EHMT1: variants seen among roughly 807,000 people sequenced by gnomAD.
EHMT1 encodes euchromatic histone lysine methyltransferase 1.
In EHMT1, 15 loss-of-function variants were observed where a neutral mutation model predicts 147.2. The ratio of observed to expected loss-of-function variants is 0.10; its 90% CI spans 0.07 to 0.16. The LOEUF (loss-of-function observed/expected upper bound fraction) is 0.16, where lower values mean the gene tolerates loss of function less well. EHMT1 is among the 10% of genes least tolerant of loss of function. EHMT1 has a pLI of 1.00. For missense variants in EHMT1, 1,587 were observed against 1,772.4 expected (o/e 0.90, Z 1.88); for synonymous variants, 795 against 709.6 (o/e 1.12, Z -1.91).
chr9:137,801,978 C>T (rs370139432), intron 18 of EHMT1, among the ~76,000 whole-genome samples: 16 of 152,324 alleles, frequency 1.1e-4, no homozygotes, highest in East Asian at 7.7e-4. Context: ...TATCATACCA[C>T]GGTTTTCTAG....
rs867638050 is a variant in EHMT1 at position 137,834,832 on chromosome 9, G to A, written c.3776G>A (p.Gly1259Asp). 1.2e-6 allele frequency: 2 copies of A among 1,612,644 alleles called. No homozygotes were observed. Among genetic ancestry groups the A allele is most frequent in the Non-Finnish European group, 8.5e-7 (1 of 1,179,656 alleles). Residue 1259 changes from glycine (G) to aspartate (D), a missense_variant, in exon 27 of 27, where the codon GGC (glycine) becomes GAC (aspartate). Coordinates refer to ENST00000460843, the MANE Select transcript of EHMT1 (RefSeq NM_024757.5). ...IKGKLFSCRC[G>D]SPKCRHSSAA... ...GGCAAGCTCTTCAGCTGCCGCTGCG[G>A]CTCCCCCAAGTGCCGGCACTCGAGC...
intron 16 of EHMT1, among the ~76,000 whole-genome samples, chr9:137,798,096 T>A (rs1953113875): frequency 6.6e-6 from 1 of 152,248 alleles, no homozygotes. Flanking sequence ...GTTCCCAATC[T>A]GGGCATGGTG....
chr9:137,779,242 C>CA (rs1459724607), intron 13 of EHMT1, among the ~76,000 whole-genome samples: 1 of 152,278 alleles, frequency 6.6e-6, no homozygotes, highest in Admixed American at 6.5e-5. Flanking sequence ...GCTGTGCCCT[C>CA]ACTCGTGACC....
rs963980605 is a variant in EHMT1, at chr9:137,692,756, G to A, written c.22-18211G>A. On this transcript the variant is annotated intron_variant, in intron 1 of 26. Transcript: ENST00000460843. ...GGACGGCAGTGAACAATGCTCAGGC[G>A]CCTGCTCCAGCCCTGGTGAAGCCAT... Among the ~76,000 whole-genome samples the A allele has an allele frequency of 1.2e-4, 19 of 152,150 alleles. 1 individual carries two copies. Among genetic ancestry groups the A allele is most frequent in the East Asian group, 5.8e-4 (3 of 5,198 alleles).
At chr9:137,682,893 C>T (rs534589949) in intron 1 of EHMT1, among the ~76,000 whole-genome samples, 8 of 152,334 alleles carry the variant, frequency 5.3e-5, no homozygotes, top group Non-Finnish European at 1.0e-4. Context: ...CGAACAGGTG[C>T]GCTGCCTGCA....
At chr9:137,832,238 C>G (rs1378018445) in intron 25 of EHMT1, among the ~76,000 whole-genome samples, 1 of 150,896 alleles carries the variant, frequency 6.6e-6, no homozygotes. Flanking sequence ...TCATTCCAGT[C>G]CTAGGATTGG....
intron 1 of EHMT1, among the ~76,000 whole-genome samples, chr9:137,657,289 C>T (rs1938562320): frequency 6.6e-6 from 1 of 152,100 alleles, no homozygotes; most frequent in Non-Finnish European, 1.5e-5. Flanking sequence ...CCTAGAGGGA[C>T]CACTGGGAGA....
chr9:137,755,697 A>G (rs551056262), intron 8 of EHMT1, among the ~76,000 whole-genome samples: 1 of 152,226 alleles, frequency 6.6e-6, no homozygotes, highest in Non-Finnish European at 1.5e-5. Flanking sequence ...ACACACAAGC[A>G]TTCCAGTTCC....
intron 6 of EHMT1, among the ~76,000 whole-genome samples, chr9:137,750,269 A>G (rs1377323554): frequency 6.6e-6 from 1 of 152,248 alleles, no homozygotes; most frequent in Non-Finnish European, 1.5e-5. Flanking sequence ...TTCTCTAGAA[A>G]ATTTCAAGCT....
intron 1 of EHMT1, among the ~76,000 whole-genome samples, 153 bp from the exon 2 acceptor site, chr9:137,710,814 C>T (rs766685093): frequency 9.9e-5 from 15 of 152,228 alleles, no homozygotes; most frequent in African/African-American, 1.4e-4. Flanking sequence ...CTGCTGGAGG[C>T]GACTGTAACC....
At chr9:137,705,824 A>G (rs1288592967) in intron 1 of EHMT1, among the ~76,000 whole-genome samples, 1 of 152,138 alleles carries the variant, frequency 6.6e-6, no homozygotes, top group East Asian at 1.9e-4. Context: ...TGGGGCTGTG[A>G]GGTCTGGACC....
chr9:137,658,115 C>T (rs1257005601), intron 1 of EHMT1, among the ~76,000 whole-genome samples: 1 of 152,302 alleles, frequency 6.6e-6, no homozygotes, highest in East Asian at 1.9e-4. Flanking sequence ...CTGCTTCTTT[C>T]GTTCTCCTTC....
chr9:137,733,661 G>C (rs1353351678), intron 4 of EHMT1, among the ~76,000 whole-genome samples: 1 of 152,158 alleles, frequency 6.6e-6, no homozygotes, highest in Non-Finnish European at 1.5e-5. Flanking sequence ...TTGTCCCCAG[G>C]TGCATACAGA....
intron 25 of EHMT1, among the ~76,000 whole-genome samples, chr9:137,826,581 T>TA (rs1472567576): frequency 2.6e-5 from 4 of 152,196 alleles, no homozygotes; most frequent in Non-Finnish European, 4.4e-5. Context: ...TCAAGGCACC[T>TA]ACTGGTTTGG....
At chr9:137,713,067 G>A (rs994857754) in intron 2 of EHMT1, among the ~76,000 whole-genome samples, 1 of 151,936 alleles carries the variant, frequency 6.6e-6, no homozygotes, top group Non-Finnish European at 1.5e-5. Flanking sequence ...TTGCACCCTC[G>A]TTGAAAATCA....
At chr9:137,728,724 T>G in intron 4 of EHMT1, 195 bp downstream of exon 4, 1 of 668,258 alleles carries the variant, frequency 1.5e-6, no homozygotes, top group Non-Finnish European at 2.6e-6. Context: ...CCTTGTCTCA[T>G]GCCAGCATTG....
intron 1 of EHMT1, among the ~76,000 whole-genome samples, chr9:137,628,328 A>T (rs1169030969): frequency 6.6e-6 from 1 of 152,100 alleles, no homozygotes; most frequent in African/African-American, 2.4e-5. Context: ...CTTGGGGTTT[A>T]TGTGTCTCTT....
At chr9:137,639,209 G>T (rs1589077291) in intron 1 of EHMT1, among the ~76,000 whole-genome samples, 1 of 150,872 alleles carries the variant, frequency 6.6e-6, no homozygotes, top group African/African-American at 2.4e-5. Context: ...TATAGTTTCA[G>T]TGTGTTTAAT....
intron 1 of EHMT1, among the ~76,000 whole-genome samples, chr9:137,642,014 A>G (rs542918459): frequency 2.0e-5 from 3 of 150,076 alleles, no homozygotes; most frequent in Middle Eastern, 3.4e-3. Flanking sequence ...TAATTTTTGT[A>G]TTTTTAGTAG....
Sources: allele counts gnomAD v4.1 joint callset (sites outside exome capture counted in the v4.1 genomes callset), GRCh38; gene constraint gnomAD v4.1.1; transcripts MANE v1.5; gene names NCBI Gene and HGNC (gene_info 2026-07-23, HGNC 2026-07-21).